TXNRD3: variants seen among roughly 807,000 people sequenced by gnomAD.
TXNRD3 encodes the protein TXNRD3 neighbor gene protein.
Under a neutral mutation model 78.2 loss-of-function variants are expected in TXNRD3, and 68 were observed. The observed-to-expected ratio is 0.87, with a 90% CI of 0.72 to 1.06. The LOEUF (loss-of-function observed/expected upper bound fraction) is 1.06, where lower values mean the gene tolerates loss of function less well. TXNRD3 is among the 50% of genes least tolerant of loss of function. The probability of loss-of-function intolerance (pLI) is 0.00; values close to 1 mark genes in which losing one functional copy is unlikely to be tolerated. For synonymous variants in TXNRD3, 296 were observed against 300.1 expected, an observed-to-expected ratio of 0.99 and a Z score of 0.14; for missense variants, 751 against 809.5, an observed-to-expected ratio of 0.93 and a Z score of 0.88.
chr3:126,623,851 C>CAAAAAAAAAAAAAAA (rs758992893), intron 10 of TXNRD3, among the ~76,000 whole-genome samples: 18 of 89,758 alleles, frequency 2.0e-4, no homozygotes, highest in Non-Finnish European at 3.0e-4. Flanking sequence ...TGAAACAAGG[C>CAAAAAAAAAAAAAAA]CAAAAAAAAA....
chr3:126,637,932 CTTTTTTT>C (rs71615916), intron 6 of TXNRD3, among the ~76,000 whole-genome samples: 55 of 60,234 alleles, frequency 9.1e-4, no homozygotes, highest in Non-Finnish European at 1.1e-3. Flanking sequence ...ATTTCTCTCT[CTTTTTTT>C]TTTTTTTTTT....
intron 14 of TXNRD3, 62 bp from the exon 15 acceptor site, chr3:126,608,695 T>C: frequency 6.8e-7 from 1 of 1,461,328 alleles, no homozygotes; most frequent in Non-Finnish European, 9.0e-7. Flanking sequence ...TATGGATCCA[T>C]TCACTGCAAA....
chr3:126,611,191 T>A, intron 13 of TXNRD3, 59 bp from the exon 14 acceptor site: 1 of 1,096,510 alleles, frequency 9.1e-7, no homozygotes, highest in Non-Finnish European at 1.3e-6. Context: ...CATTCCTTGA[T>A]AGGCTCTTTA....
At chr3:126,638,330 CTT>C (rs1385136929) in intron 6 of TXNRD3, among the ~76,000 whole-genome samples, 1 of 152,154 alleles carries the variant, frequency 6.6e-6, no homozygotes, top group Non-Finnish European at 1.5e-5. Context: ...GACTTCCTCT[CTT>C]TTGCTGCTCA....
At chr3:126,652,298 C>T (rs1933410143) in intron 1 of TXNRD3, among the ~76,000 whole-genome samples, 1 of 152,128 alleles carries the variant, frequency 6.6e-6, no homozygotes, top group Non-Finnish European at 1.5e-5. Flanking sequence ...ATCATGAGGA[C>T]AGTACCAATG....
chr3:126,612,372 C>G (rs559671695), intron 13 of TXNRD3, among the ~76,000 whole-genome samples: 23 of 152,148 alleles, frequency 1.5e-4, no homozygotes. Context: ...ATTTTAATCT[C>G]TGCAGCTACT....
chr3:126,624,169 T>C (rs1363324468), intron 10 of TXNRD3, among the ~76,000 whole-genome samples: 1 of 152,142 alleles, frequency 6.6e-6, no homozygotes, highest in Non-Finnish European at 1.5e-5. Context: ...AAAAAGTCAG[T>C]TCTTCCAAAC....
chr3:126,638,937 G>A (rs1932987372), intron 6 of TXNRD3, among the ~76,000 whole-genome samples: 1 of 152,182 alleles, frequency 6.6e-6, no homozygotes, highest in Admixed American at 6.5e-5. Flanking sequence ...GAGAATGTAA[G>A]ACAATGGAGA....
intron 1 of TXNRD3, among the ~76,000 whole-genome samples, chr3:126,649,247 T>C (rs764051409): frequency 7.9e-5 from 12 of 152,244 alleles, no homozygotes; most frequent in Non-Finnish European, 1.5e-4. Context: ...TGAAAAGTTG[T>C]TCATCATCAC....
At chr3:126,626,121 G>T (rs963258350) in intron 10 of TXNRD3, 1 of 152,088 alleles carries the variant, frequency 6.6e-6, no homozygotes, top group Non-Finnish European at 1.5e-5. Context: ...TAATTAAAAT[G>T]AATGAGAATT....
chr3:126,631,728 T>A, intron 8 of TXNRD3, 36 bp downstream of exon 8: 1 of 1,273,234 alleles, frequency 7.9e-7, no homozygotes, highest in East Asian at 2.5e-5. Context: ...ATTCAATTTA[T>A]TAACATTAAA....
chr3:126,621,708 C>A (rs1009776847), intron 12 of TXNRD3, 34 bp downstream of exon 12: 24 of 1,438,698 alleles, frequency 1.7e-5, no homozygotes, highest in Non-Finnish European at 2.1e-5. Flanking sequence ...TGATCTTGAT[C>A]AGGACATTAT....
intron 6 of TXNRD3, among the ~76,000 whole-genome samples, chr3:126,637,962 T>TC (rs1247125236): frequency 3.1e-5 from 3 of 96,112 alleles, no homozygotes; most frequent in Non-Finnish European, 6.6e-5. Context: ...TTTTTTTTTT[T>TC]TGAGATGGAG....
At chr3:126,644,686 T>G (rs758385402) in intron 3 of TXNRD3, among the ~76,000 whole-genome samples, 10 of 152,230 alleles carry the variant, frequency 6.6e-5, no homozygotes, top group Non-Finnish European at 1.3e-4. Context: ...CTATGTAAGA[T>G]GAGGTCATTT....
chr3:126,640,094 CTTTTTTTT>C (rs747114940), intron 6 of TXNRD3, among the ~76,000 whole-genome samples: 3 of 14,320 alleles, frequency 2.1e-4, no homozygotes, highest in African/African-American at 3.4e-4. Flanking sequence ...CTTGTGTTTT[CTTTTTTTT>C]TTTTTTTTTT....
At chr3:126,652,223 A>T (rs1933408482) in intron 1 of TXNRD3, among the ~76,000 whole-genome samples, 1 of 152,146 alleles carries the variant, frequency 6.6e-6, no homozygotes, top group African/African-American at 2.4e-5. Context: ...CCAGGGCAGG[A>T]GCAAGACAGT....
intron 10 of TXNRD3, among the ~76,000 whole-genome samples, chr3:126,628,402 A>G (rs533470219): frequency 2.0e-5 from 3 of 152,250 alleles, no homozygotes; most frequent in African/African-American, 7.2e-5. Flanking sequence ...GTTATTATTC[A>G]CAAATAAATA....
chr3:126,611,152 A>G lies in TXNRD3; in HGVS notation c.1633-20T>C. On this transcript the variant is annotated intron_variant, in intron 13 of 15. Transcript: ENST00000524230. ...ATATATCTGGAAGATAAAAGAGAGA[A>G]AAAGGGCAGAATTAATGTATATGGA... is the stretch of plus-strand genomic sequence containing the variant. 6.9e-7 allele frequency: 1 copy of G among 1,442,864 alleles called. No individual in the cohort carries two copies. Among genetic ancestry groups the G allele is most frequent in the Non-Finnish European group, 9.3e-7 (1 of 1,078,556 alleles). The allele number at this position is 1,442,864 out of a possible 1,614,324, so 89.4% of individuals were successfully genotyped here.
At chr3:126,638,004 C>T (rs1352106201) in intron 6 of TXNRD3, among the ~76,000 whole-genome samples, 1 of 117,150 alleles carries the variant, frequency 8.5e-6, no homozygotes, top group Non-Finnish European at 1.6e-5. Context: ...AGAGCAGTGG[C>T]ATGATCTCGG....
Sources: gnomAD v4.1 joint callset for allele counts (sites outside exome capture counted in the v4.1 genomes callset) on GRCh38, gnomAD v4.1.1 for gene constraint, MANE v1.5 for transcripts, NCBI Gene and HGNC (gene_info 2026-07-23, HGNC 2026-07-21) for gene names.